Variants in ZER1 observed in about 807,000 individuals in gnomAD.
ZER1 encodes protein zer-1 homolog.
In ZER1, 11 loss-of-function variants were observed where a neutral mutation model predicts 78.8. The ratio of observed to expected loss-of-function variants is 0.14; its 90% CI spans 0.09 to 0.23. ZER1 has a LOEUF of 0.23. Ranked by LOEUF, ZER1 falls within the 10% of genes least tolerant of loss-of-function variation. The pLI is 1.00. For missense variants in ZER1, 588 were observed against 996.9 expected (o/e 0.59, Z 5.52); for synonymous variants, 400 against 407.0 (o/e 0.98, Z 0.21).
At chr9:128,765,248 C>T (rs1042947012) in intron 1 of ZER1, among the ~76,000 whole-genome samples, 3 of 149,004 alleles carry the variant, frequency 2.0e-5, no homozygotes, top group African/African-American at 7.5e-5. Flanking sequence ...CACACACACA[C>T]ACGTGCGCAA....
Position 128,751,583 on chromosome 9 carries a change from T to TCACCAC in ZER1, c.924-57_924-56insGTGGTG. 2 of 1,476,258 alleles carry TCACCAC rather than the reference T, an allele frequency of 1.4e-6. No individual in the cohort carries two copies. Among genetic ancestry groups the TCACCAC allele is most frequent in the Non-Finnish European group, 9.4e-7 (1 of 1,066,182 alleles). 91.4% of individuals were successfully genotyped at this position (1,476,258 alleles called of 1,614,324 possible). The stretch of plus-strand genomic sequence containing the variant: ...TTGGGACCCAGGCCTGAGCTGGGCC[T>TCACCAC]CCCCACTGGGGGTGGTGAGGCATTT... On this transcript the variant is annotated intron_variant, in intron 5 of 15. Transcript: ENST00000291900. The surrounding 1 kb of genome is among the most constrained non-coding windows in gnomAD (Gnocchi z 5.4).
At position 128,751,542 on chromosome 9, in the gene ZER1, T is replaced by G; in HGVS notation, c.924-15A>C. 1 of 1,609,616 alleles carries G rather than the reference T, an allele frequency of 6.2e-7. No homozygotes were observed. The highest frequency in any genetic ancestry group is 8.5e-7 in the Non-Finnish European group (1 of 1,178,984). On this transcript the variant is annotated splice_polypyrimidine_tract_variant and intron_variant, in intron 5 of 15. Coordinates refer to ENST00000291900, the MANE Select transcript of ZER1 (RefSeq NM_006336.4). The surrounding 1 kb of genome is among the most constrained non-coding windows in gnomAD (Gnocchi z 5.4). ...AAGGCTCAATGCTGGGGAAAGAGGG[T>G]GCCGGTGTCAGTGGCTTGGGACCCA...
chr9:128,739,678 G>T (rs1429973681), intron 13 of ZER1, among the ~76,000 whole-genome samples: 1 of 152,072 alleles, frequency 6.6e-6, no homozygotes, highest in African/African-American at 2.4e-5. Context: ...GGTATTAGTG[G>T]TTTGCAAAGA....
In ZER1 at chr9:128,767,857, A is replaced by G. The variant is rs146305771; in HGVS notation, c.-95+3724T>C. Among the ~76,000 whole-genome samples the G allele has an allele frequency of 1.3e-3, 192 of 152,244 alleles. 1 individual carries two copies. Among genetic ancestry groups the G allele is most frequent in the Middle Eastern group, 6.8e-3 (2 of 294 alleles). On this transcript the variant is annotated intron_variant, in intron 1 of 15. Transcript: ENST00000291900. ...AAAGCTTCCTGAGGGCAGGGACCCT[A>G]TGTGATTTCTGGGGTCTCCATTACA...
rs773298972 is a variant in ZER1, at chr9:128,751,284, G to T, written c.1039-16C>A. Reference sequence around the variant, plus strand: ...CACCACTTACCTGCGGGTGGGACACGCTCAGAACAACCCAGCAGAGGCCAA... The same window carrying T: ...CACCACTTACCTGCGGGTGGGACACTCTCAGAACAACCCAGCAGAGGCCAA... On this transcript the variant is annotated splice_polypyrimidine_tract_variant and intron_variant, in intron 6 of 15. Transcript: ENST00000291900. This position sits in a 1 kb window ranked among gnomAD's most constrained non-coding sequence, Gnocchi z 5.4. 6.3e-7 allele frequency: 1 copy of T among 1,599,126 alleles called. No homozygotes were observed. Among genetic ancestry groups the T allele is most frequent in the Non-Finnish European group, 8.6e-7 (1 of 1,168,448 alleles).
intron 1 of ZER1, among the ~76,000 whole-genome samples, chr9:128,756,320 C>T (rs1009254694): frequency 1.1e-4 from 16 of 152,128 alleles, no homozygotes; most frequent in African/African-American, 3.9e-4. Context: ...GTGGCGGGCG[C>T]CTGTAGTCCC....
intron 1 of ZER1, among the ~76,000 whole-genome samples, chr9:128,758,689 C>G (rs1208629619): frequency 6.6e-6 from 1 of 152,016 alleles, no homozygotes; most frequent in Non-Finnish European, 1.5e-5. Context: ...ATCTGCTTAC[C>G]CCCGCCTCCC....
chr9:128,769,570 C>T (rs1864321138), intron 1 of ZER1, among the ~76,000 whole-genome samples: 1 of 152,046 alleles, frequency 6.6e-6, no homozygotes, highest in Non-Finnish European at 1.5e-5. Flanking sequence ...TGCGTCACCA[C>T]ACCCGGCTAA....
At chr9:128,745,532 A>AT (rs1374628342) in intron 8 of ZER1, among the ~76,000 whole-genome samples, 5 of 151,356 alleles carry the variant, frequency 3.3e-5, no homozygotes, top group African/African-American at 1.2e-4. Flanking sequence ...TAATTTTTGT[A>AT]TTTTAGTAGA....
intron 15 of ZER1, 57 bp from the exon 16 acceptor site, chr9:128,731,451 G>A: frequency 7.5e-7 from 1 of 1,332,950 alleles, no homozygotes; most frequent in Non-Finnish European, 1.1e-6. Context: ...GGTGAGCCCA[G>A]CCCCTCCGAG....
chr9:128,740,381 C>T lies in ZER1; in HGVS notation c.1854-262G>A, dbSNP rs1293946341. Among the ~76,000 whole-genome samples the T allele has an allele frequency of 6.6e-6, 1 of 152,080 alleles. No individual in the cohort carries two copies. Among genetic ancestry groups the T allele is most frequent in the Admixed American group, 6.6e-5 (1 of 15,264 alleles). ...GATCACGAGGTCCGGAGATCGAGACCATCCTGGCTAACATGGTGAAACCCC... is the reference window on the plus strand; with the variant it reads ...GATCACGAGGTCCGGAGATCGAGACTATCCTGGCTAACATGGTGAAACCCC... On this transcript the variant is annotated intron_variant, in intron 12 of 15. Coordinates refer to ENST00000291900, the MANE Select transcript of ZER1 (RefSeq NM_006336.4). The surrounding 1 kb of genome is among the most constrained non-coding windows in gnomAD (Gnocchi z 4.4).
intron 1 of ZER1, among the ~76,000 whole-genome samples, chr9:128,770,410 G>A (rs536488296): frequency 3.3e-5 from 5 of 152,182 alleles, no homozygotes; most frequent in Admixed American, 1.3e-4. Context: ...GATTACAAGC[G>A]TGAGCCCTTA....
At chr9:128,759,621 T>C (rs28814298) in intron 1 of ZER1, among the ~76,000 whole-genome samples, 151,401 of 151,990 alleles carry the variant, frequency 1, 75,411 homozygotes, top group Middle Eastern at 1. Flanking sequence ...CAGTAAAACC[T>C]TGTCTCTACT....
In ZER1 at chr9:128,753,088, G is replaced by A. The variant is rs555623716; in HGVS notation, c.746+76C>T. The A allele has an allele frequency of 2.0e-4, 275 of 1,405,654 alleles. 1 individual carries two copies. Among genetic ancestry groups the A allele is most frequent in the East Asian group, 7.5e-4 (30 of 40,048 alleles). The allele number at this position is 1,405,654 out of a possible 1,614,324, so 87.1% of individuals were successfully genotyped here. The stretch of plus-strand genomic sequence containing the variant: ...CCAAGCGCTCCTGAACCCTGAGGGC[G>A]TGACAACACCCACCTCTACTCCTCC... On this transcript the variant is annotated intron_variant, in intron 4 of 15. Coordinates refer to ENST00000291900, the MANE Select transcript of ZER1 (RefSeq NM_006336.4). This position sits in a 1 kb window ranked among gnomAD's most constrained non-coding sequence, Gnocchi z 7.5.
chr9:128,753,700 C>T lies in ZER1; in HGVS notation c.310-100G>A. The T allele has an allele frequency of 6.4e-7, 1 of 1,560,726 alleles. No homozygotes were observed. Among genetic ancestry groups the T allele is most frequent in the Non-Finnish European group, 8.7e-7 (1 of 1,153,924 alleles). On this transcript the variant is annotated intron_variant, in intron 3 of 15. Transcript: ENST00000291900. The surrounding 1 kb of genome is among the most constrained non-coding windows in gnomAD (Gnocchi z 7.5). ...CAGGTGGGTTGGAAAGGGGGATGTG[C>T]ACAGTCACGGTGCACACTGGCTGGG... is the stretch of plus-strand genomic sequence containing the variant.
Position 128,753,635 on chromosome 9 carries a change from C to T in ZER1, c.310-35G>A, listed in dbSNP as rs1426752720. 2 of 1,601,104 alleles carry T rather than the reference C, an allele frequency of 1.2e-6. No homozygotes were observed. The highest frequency in any genetic ancestry group is 2.2e-5 in the East Asian group (1 of 44,686). On this transcript the variant is annotated intron_variant, in intron 3 of 15. Coordinates refer to ENST00000291900, the MANE Select transcript of ZER1 (RefSeq NM_006336.4). This position sits in a 1 kb window ranked among gnomAD's most constrained non-coding sequence, Gnocchi z 7.5. ...GGCACAGCTCCATCATCATCACCAC[C>T]CTTGCCCCTTCCCCCGGCCCCAGGC...
chr9:128,738,408 C>T (rs1320260530), intron 13 of ZER1, among the ~76,000 whole-genome samples: 8 of 148,552 alleles, frequency 5.4e-5, no homozygotes, highest in African/African-American at 1.5e-4. Context: ...ATTTTTGAGA[C>T]GGAGTCTCGC....
chr9:128,734,893 T>A (rs1306267670), intron 14 of ZER1, among the ~76,000 whole-genome samples: 1 of 151,936 alleles, frequency 6.6e-6, no homozygotes, highest in African/African-American at 2.4e-5. Flanking sequence ...TTATTTTACT[T>A]CTGGAGATGG....
intron 13 of ZER1, among the ~76,000 whole-genome samples, chr9:128,738,212 T>G: frequency 7.1e-6 from 1 of 141,592 alleles, no homozygotes. Flanking sequence ...GCCCGGCTAA[T>G]TTTTTGTATT....
Sources: allele counts gnomAD v4.1 joint callset (sites outside exome capture counted in the v4.1 genomes callset), GRCh38; gene constraint gnomAD v4.1.1; non-coding constraint Gnocchi (gnomAD v3.1); transcripts MANE v1.5; gene names NCBI Gene and HGNC (gene_info 2026-07-23, HGNC 2026-07-21).